The following ST6GAL2 variants were observed in gnomAD, a reference collection of about 807,000 sequenced individuals.
The protein encoded by ST6GAL2 is ST6 beta-galactoside alpha-2,6-sialyltransferase 2.
Under a neutral mutation model 37.5 loss-of-function variants are expected in ST6GAL2, and 24 were observed. That is an observed-to-expected ratio of 0.64 (90% CI 0.46 to 0.90). The LOEUF is 0.90. ST6GAL2 is among the 40% of genes least tolerant of loss of function. ST6GAL2 has a pLI of 0.00. For missense variants in ST6GAL2, 715 were observed against 712.7 expected, an observed-to-expected ratio of 1.00 and a Z score of -0.04; for synonymous variants, 306 against 295.1, an observed-to-expected ratio of 1.04 and a Z score of -0.38.
intron 5 of ST6GAL2, among the ~76,000 whole-genome samples, chr2:106,808,858 C>A (rs1573198637): frequency 6.6e-6 from 1 of 152,064 alleles, no homozygotes; most frequent in South Asian, 2.1e-4. Flanking sequence ...ATACAAAAAA[C>A]TAGCTGGGCA....
intron 4 of ST6GAL2, among the ~76,000 whole-genome samples, chr2:106,831,531 A>C (rs1676424191): frequency 6.6e-6 from 1 of 152,228 alleles, no homozygotes; most frequent in South Asian, 2.1e-4. Flanking sequence ...AGCGGAGGGT[A>C]CATATGAGAA....
intron 1 of ST6GAL2, among the ~76,000 whole-genome samples, chr2:106,848,107 C>T (rs1462305205): frequency 4.7e-5 from 7 of 150,458 alleles, no homozygotes; most frequent in African/African-American, 1.5e-4. Flanking sequence ...TGCGGTGGCA[C>T]GATCTTGTCT....
chr2:106,843,182 C>A lies in ST6GAL2; in HGVS notation c.796G>T (p.Gly266Cys). ...RSRARVRTLD[G>C]TEAPFSALGW... ...AGCGCAGAAAAGGGCGCCTCGGTGC[C>A]GTCCAGCGTCCGCACGCGCGCGCGG... Residue 266 changes from glycine (G) to cysteine (C), a missense_variant, in exon 2 of 6, where the codon GGC (glycine) becomes TGC (cysteine). Coordinates refer to ENST00000409382, the MANE Select transcript of ST6GAL2 (RefSeq NM_001142351.2). 3 of 1,550,068 alleles carry A rather than the reference C, an allele frequency of 1.9e-6. No homozygotes were observed. The highest frequency in any genetic ancestry group is 2.6e-6 in the Non-Finnish European group (3 of 1,148,682).
At chr2:106,859,990 GC>G (rs1677734037) in intron 1 of ST6GAL2, among the ~76,000 whole-genome samples, 2 of 151,876 alleles carry the variant, frequency 1.3e-5, no homozygotes, top group African/African-American at 4.8e-5. Flanking sequence ...ACCCCTTGCT[GC>G]CCCTGAGTCA....
At chr2:106,851,795 GCTAAGT>G (rs1677375426) in intron 1 of ST6GAL2, among the ~76,000 whole-genome samples, 1 of 151,536 alleles carries the variant, frequency 6.6e-6, no homozygotes, top group Non-Finnish European at 1.5e-5. Flanking sequence ...CTGGACTAAT[GCTAAGT>G]CTAAGTATTT....
intron 5 of ST6GAL2, among the ~76,000 whole-genome samples, chr2:106,808,015 A>C (rs1675482419): frequency 6.6e-6 from 1 of 152,220 alleles, no homozygotes; most frequent in Admixed American, 6.5e-5. Context: ...AAAAAAAAAG[A>C]CATCTCTTTT....
chr2:106,843,939 A>C lies in ST6GAL2; in HGVS notation c.39T>G (p.Leu13=), dbSNP rs779058717. The C allele has an allele frequency of 6.3e-6, 10 of 1,595,658 alleles. 1 individual carries two copies. The South Asian group carries it at 1.1e-4, about 18-fold the overall frequency. The change falls in exon 2 of 6, where the codon CTT becomes CTG. Residue 13 remains leucine, a synonymous_variant. Transcript: ENST00000409382. ...PHLKQWRQRM[L]FGIFAWGLLF... ...GGAGCCCCCAAGCGAATATTCCGAAAAGCATTCGTTGTCTCCATTGCTTCA... is the reference window on the plus strand; with the variant it reads ...GGAGCCCCCAAGCGAATATTCCGAACAGCATTCGTTGTCTCCATTGCTTCA...
intron 2 of ST6GAL2, among the ~76,000 whole-genome samples, chr2:106,839,637 C>G (rs1287126185): frequency 6.6e-6 from 1 of 152,142 alleles, no homozygotes; most frequent in African/African-American, 2.4e-5. Flanking sequence ...GTCTATGCAT[C>G]CCACCCCCAG....
chr2:106,884,612 T>C (rs996194121), intron 1 of ST6GAL2, among the ~76,000 whole-genome samples: 1 of 152,148 alleles, frequency 6.6e-6, no homozygotes, highest in African/African-American at 2.4e-5. Context: ...TGTAAGATGC[T>C]ACCATTTGTA....
At chr2:106,829,491 G>C (rs1382273176) in intron 5 of ST6GAL2, among the ~76,000 whole-genome samples, 2 of 152,174 alleles carry the variant, frequency 1.3e-5, no homozygotes, top group Non-Finnish European at 2.9e-5. Context: ...AGCCATCCCT[G>C]CAAAGGGACT....
rs906342773 is a variant in ST6GAL2, at chr2:106,844,136, G to A, written c.-57-102C>T. The A allele has an allele frequency of 5.7e-5, 32 of 564,318 alleles. No homozygotes were observed. The African/African-American group carries it at 5.9e-4, about 10-fold the overall frequency. The allele number at this position is 564,318 out of a possible 1,614,324, so 35.0% of individuals were successfully genotyped here. On this transcript the variant is annotated intron_variant, in intron 1 of 5. Transcript: ENST00000409382. ...AGTGTTTCTGTAGGTGGTGGGGTGG[G>A]GTTGTAGAAGGGGCACTAGAAACCA... is the stretch of plus-strand genomic sequence containing the variant.
chr2:106,830,659 C>T (rs1676386276), intron 4 of ST6GAL2, among the ~76,000 whole-genome samples: 1 of 152,150 alleles, frequency 6.6e-6, no homozygotes, highest in South Asian at 2.1e-4. Context: ...TTTATTAAAA[C>T]AGGTGGTGGC....
intron 1 of ST6GAL2, among the ~76,000 whole-genome samples, chr2:106,884,939 A>ATATATG (rs1491214200): frequency 1.6e-5 from 2 of 122,634 alleles, no homozygotes; most frequent in African/African-American, 5.9e-5. Flanking sequence ...ATATATACAT[A>ATATATG]CACACACACA....
chr2:106,813,548 T>C (rs1675689913), intron 5 of ST6GAL2, among the ~76,000 whole-genome samples: 1 of 152,226 alleles, frequency 6.6e-6, no homozygotes, highest in Non-Finnish European at 1.5e-5. Context: ...ATATATTTGA[T>C]GTGTTATCAG....
intron 3 of ST6GAL2, among the ~76,000 whole-genome samples, chr2:106,833,079 T>C (rs544183247): frequency 1.3e-5 from 2 of 152,280 alleles, no homozygotes; most frequent in East Asian, 3.9e-4. Flanking sequence ...CTTCCCTCTG[T>C]GGCCCTACCT....
chr2:106,878,698 CA>C (rs1483677782), intron 1 of ST6GAL2, among the ~76,000 whole-genome samples: 2 of 152,138 alleles, frequency 1.3e-5, no homozygotes, highest in African/African-American at 4.8e-5. Flanking sequence ...TTAAAATATA[CA>C]GGAGAATCTG....
chr2:106,839,348 C>T (rs1676779478), intron 2 of ST6GAL2, among the ~76,000 whole-genome samples: 1 of 152,050 alleles, frequency 6.6e-6, no homozygotes. Flanking sequence ...TACCAGCCCT[C>T]AGGGGAGTTA....
intron 1 of ST6GAL2, among the ~76,000 whole-genome samples, chr2:106,873,884 G>C (rs888576146): frequency 1.3e-5 from 2 of 152,210 alleles, no homozygotes; most frequent in Non-Finnish European, 2.9e-5. Flanking sequence ...AGAATGTTCT[G>C]TTTATAAATA....
intron 5 of ST6GAL2, among the ~76,000 whole-genome samples, chr2:106,819,753 T>G (rs995028151): frequency 1.3e-5 from 2 of 151,834 alleles, no homozygotes; most frequent in African/African-American, 4.8e-5. Context: ...GTAGAAAGAC[T>G]GAAAAATGAT....
Sources: allele counts gnomAD v4.1 joint callset (sites outside exome capture counted in the v4.1 genomes callset), GRCh38; gene constraint gnomAD v4.1.1; transcripts MANE v1.5; gene names NCBI Gene and HGNC (gene_info 2026-07-23, HGNC 2026-07-21).